Variants in SLC25A26 observed in about 807,000 individuals in gnomAD.
The protein encoded by SLC25A26 is mitochondrial S-adenosylmethionine carrier protein.
In SLC25A26, 36 loss-of-function variants were observed where a neutral mutation model predicts 37.8. The observed-to-expected ratio is 0.95, with a 90% confidence interval of 0.73 to 1.26. The LOEUF (loss-of-function observed/expected upper bound fraction) is 1.26, where lower values mean the gene tolerates loss of function less well. Among genes scored for constraint, SLC25A26 ranks in the 50% most tolerant of loss-of-function variants. The pLI, the probability that SLC25A26 is intolerant of heterozygous loss-of-function variation, is 0.00. For missense variants in SLC25A26, 390 were observed against 331.1 expected, an observed-to-expected ratio of 1.18 and a Z score of -1.38; for synonymous variants, 129 against 122.5, an observed-to-expected ratio of 1.05 and a Z score of -0.35.
chr3:66,223,218 C>G (rs909476495), intron 1 of SLC25A26, among the ~76,000 whole-genome samples: 1 of 152,158 alleles, frequency 6.6e-6, no homozygotes, highest in Non-Finnish European at 1.5e-5. Flanking sequence ...AGGAAAGCCA[C>G]GAAGTGGTAA....
chr3:66,317,190 A>G (rs963042525), intron 5 of SLC25A26, among the ~76,000 whole-genome samples: 3 of 152,014 alleles, frequency 2.0e-5, no homozygotes, highest in East Asian at 1.9e-4. Context: ...AGGCCCTCTG[A>G]CTTTTTGAGT....
intron 1 of SLC25A26, among the ~76,000 whole-genome samples, chr3:66,151,432 A>G (rs936412578): frequency 6.6e-6 from 1 of 152,208 alleles, no homozygotes; most frequent in Non-Finnish European, 1.5e-5. Flanking sequence ...CCATGCTAGC[A>G]AGCAATGTAT....
At chr3:66,372,475 C>T (rs1020118161) in intron 9 of SLC25A26, among the ~76,000 whole-genome samples, 2 of 152,202 alleles carry the variant, frequency 1.3e-5, no homozygotes, top group Non-Finnish European at 2.9e-5. Context: ...TAATACTAAG[C>T]AGTGCCAGAA....
intron 5 of SLC25A26, among the ~76,000 whole-genome samples, chr3:66,266,734 C>T (rs765008185): frequency 6.6e-6 from 1 of 151,996 alleles, no homozygotes; most frequent in African/African-American, 2.4e-5. Context: ...GTTCATTTTT[C>T]TCATGATCTT....
chr3:66,252,923 C>T (rs1032099168), intron 3 of SLC25A26, among the ~76,000 whole-genome samples: 5 of 150,884 alleles, frequency 3.3e-5, no homozygotes, highest in Non-Finnish European at 5.9e-5. Context: ...GCAGAAGTAG[C>T]GGTAAGTATA....
At chr3:66,314,187 C>T (rs2075465015) in intron 5 of SLC25A26, among the ~76,000 whole-genome samples, 1 of 152,142 alleles carries the variant, frequency 6.6e-6, no homozygotes, top group Admixed American at 6.5e-5. Flanking sequence ...GGGCATCCTT[C>T]TCTTGTGCTG....
At chr3:66,348,246 A>G (rs994855545) in intron 6 of SLC25A26, among the ~76,000 whole-genome samples, 6 of 152,214 alleles carry the variant, frequency 3.9e-5, no homozygotes, top group East Asian at 3.9e-4. Flanking sequence ...GTGGGCCATG[A>G]TATAAATTGT....
At chr3:66,221,560 A>G (rs146624016) in intron 1 of SLC25A26, among the ~76,000 whole-genome samples, 2,600 of 152,058 alleles carry the variant, frequency 0.017, 75 homozygotes, top group African/African-American at 0.06. Flanking sequence ...ATCTCTTTTC[A>G]GTCTTAGAAA....
At position 66,343,688 on chromosome 3, in the gene SLC25A26, TG is replaced by T. The variant is rs1365365900; in HGVS notation, c.454-2673del. Among the ~76,000 whole-genome samples the T allele has an allele frequency of 2.0e-5, 3 of 152,228 alleles. No individual in the cohort carries two copies. The East Asian group carries it at 5.8e-4, about 29-fold the overall frequency. Reference sequence around the variant, plus strand: ...TTAATTGAGAAATGAATGATGCCAATGGGATTGTTAGAGTAAATTTTAAATC... The same window carrying T: ...TTAATTGAGAAATGAATGATGCCAATGGATTGTTAGAGTAAATTTTAAATC... On this transcript the variant is annotated intron_variant, in intron 5 of 9. Coordinates refer to ENST00000354883, the MANE Select transcript of SLC25A26 (RefSeq NM_001379210.1).
intron 5 of SLC25A26, among the ~76,000 whole-genome samples, chr3:66,334,617 T>TA (rs2076053598): frequency 6.6e-6 from 1 of 152,156 alleles, no homozygotes; most frequent in Non-Finnish European, 1.5e-5. Context: ...CGCCGGGCCC[T>TA]GAGTGGAAGC....
intron 5 of SLC25A26, among the ~76,000 whole-genome samples, chr3:66,295,413 T>G (rs1279498526): frequency 6.7e-6 from 1 of 150,190 alleles, no homozygotes; most frequent in South Asian, 2.1e-4. Context: ...TTGTTTTTTT[T>G]TTTTTTTTGA....
At chr3:66,318,819 T>TGG (rs2075613417) in intron 5 of SLC25A26, among the ~76,000 whole-genome samples, 2 of 151,948 alleles carry the variant, frequency 1.3e-5, no homozygotes, top group Admixed American at 1.3e-4. Flanking sequence ...ATACAGCTAT[T>TGG]TAAGTTTTAT....
In SLC25A26 at chr3:66,378,731, T is replaced by C; in HGVS notation, c.*924T>C. 6.6e-6 allele frequency: 1 copy of C among 152,552 alleles called. No individual in the cohort carries two copies. Among genetic ancestry groups the C allele is most frequent in the Non-Finnish European group, 1.5e-5 (1 of 68,014 alleles). 9.4% of individuals were successfully genotyped at this position (152,552 alleles called of 1,614,324 possible). On this transcript the variant is annotated 3_prime_UTR_variant, in exon 10 of 10. Coordinates refer to ENST00000354883, the MANE Select transcript of SLC25A26 (RefSeq NM_001379210.1). ...TTTTGCTTCGCCTATTTTTTTTTTC[T>C]TTTTTGGGGGAAGATAATTAAAGGC...
intron 5 of SLC25A26, among the ~76,000 whole-genome samples, chr3:66,337,236 C>T (rs2076110491): frequency 6.6e-6 from 1 of 151,928 alleles, no homozygotes; most frequent in African/African-American, 2.4e-5. Flanking sequence ...TCTGATATAC[C>T]CAGATGTTCA....
chr3:66,150,634 A>ATC (rs2070193552), intron 1 of SLC25A26, among the ~76,000 whole-genome samples: 1 of 87,572 alleles, frequency 1.1e-5, no homozygotes, highest in African/African-American at 4.6e-5. Flanking sequence ...ATATATATAT[A>ATC]TATATATATA....
intron 5 of SLC25A26, among the ~76,000 whole-genome samples, chr3:66,283,964 A>C (rs1284160414): frequency 6.6e-6 from 1 of 152,190 alleles, no homozygotes; most frequent in Non-Finnish European, 1.5e-5. Flanking sequence ...ATTCCTAGGT[A>C]ATATTTTCTG....
At chr3:66,186,038 C>T (rs1008675677) in intron 1 of SLC25A26, among the ~76,000 whole-genome samples, 2 of 151,552 alleles carry the variant, frequency 1.3e-5, no homozygotes, top group Non-Finnish European at 2.9e-5. Context: ...GACCCTGACA[C>T]GCATCCTGAC....
At chr3:66,276,231 A>G (rs1261873830) in intron 5 of SLC25A26, among the ~76,000 whole-genome samples, 2 of 152,154 alleles carry the variant, frequency 1.3e-5, no homozygotes, top group African/African-American at 2.4e-5. Context: ...CTGTTTGTAC[A>G]GATCATAAGC....
At chr3:66,244,649 TAGGC>T (rs1193847729) in intron 3 of SLC25A26, among the ~76,000 whole-genome samples, 1 of 152,070 alleles carries the variant, frequency 6.6e-6, no homozygotes, top group Non-Finnish European at 1.5e-5. Flanking sequence ...TGACAAAAAA[TAGGC>T]AGTCTGTTCC....
Sources: gnomAD v4.1 joint callset for allele counts (sites outside exome capture counted in the v4.1 genomes callset) on GRCh38, gnomAD v4.1.1 for gene constraint, MANE v1.5 for transcripts, NCBI Gene and HGNC (gene_info 2026-07-23, HGNC 2026-07-21) for gene names.